The following ZNF331 variants were observed in gnomAD, a reference collection of about 807,000 sequenced individuals.
The protein encoded by ZNF331 is C2H2-like zinc finger protein rearranged in thyroid adenomas.
In ZNF331, 2 loss-of-function variants were observed where a neutral mutation model predicts 7.0. The observed-to-expected ratio is 0.29, with a 90% CI of 0.12 to 0.90. ZNF331 has a LOEUF of 0.90. ZNF331 is among the 40% of genes least tolerant of loss of function. The probability of loss-of-function intolerance (pLI) is 0.58; values close to 1 mark genes in which losing one functional copy is unlikely to be tolerated. For missense variants in ZNF331, 432 were observed against 587.7 expected (o/e 0.74, Z 2.74); for synonymous variants, 196 against 205.4 (o/e 0.95, Z 0.39).
chr19:53,516,670 T>C (rs1462039314), upstream of ZNF331, among the ~76,000 whole-genome samples: 1 of 152,098 alleles, frequency 6.6e-6, no homozygotes, highest in Non-Finnish European at 1.5e-5. Flanking sequence ...AAGTTACATC[T>C]GTAGTCCAGA....
chr19:53,523,783 A>G (rs548287160), intron 2 of ZNF331, among the ~76,000 whole-genome samples: 1 of 149,338 alleles, frequency 6.7e-6, no homozygotes, highest in South Asian at 2.1e-4. Flanking sequence ...TTTTTTTTAT[A>G]CTTTAAGTTC....
upstream of ZNF331, among the ~76,000 whole-genome samples, chr19:53,520,699 C>T (rs2087035605): frequency 6.6e-6 from 1 of 152,232 alleles, no homozygotes; most frequent in Admixed American, 6.5e-5. Flanking sequence ...TGGGGCATGG[C>T]TCCATTAGGG....
At chr19:53,554,988 G>T (rs2089286438) in intron 2 of ZNF331, 1 of 154,672 alleles carries the variant, frequency 6.5e-6, no homozygotes, top group Admixed American at 6.5e-5. Flanking sequence ...CGGCAGCGTG[G>T]CCGTGCTGGG....
At chr19:53,504,454 C>T in the ZNF331 span, among the ~76,000 whole-genome samples, 7 of 150,588 alleles carry the variant, frequency 4.6e-5, no homozygotes, top group Non-Finnish European at 1.0e-4. Context: ...CTCCTGATCC[C>T]CCCTCCACCC....
chr19:53,567,654 C>T (rs2147618058), intron 3 of ZNF331, among the ~76,000 whole-genome samples: 1 of 151,698 alleles, frequency 6.6e-6, no homozygotes, highest in Non-Finnish European at 1.5e-5. Context: ...CAAGACCAGC[C>T]TGGGAAATAT....
At chr19:53,557,319 C>T (rs1284674683) in intron 3 of ZNF331, among the ~76,000 whole-genome samples, 1 of 152,146 alleles carries the variant, frequency 6.6e-6, no homozygotes, top group Non-Finnish European at 1.5e-5. Flanking sequence ...GGTGCCAGTG[C>T]AAGCAGCTTC....
chr19:53,558,352 G>A lies in ZNF331; in HGVS notation c.-74+2444G>A, dbSNP rs2089565960. 6.6e-6 allele frequency among the ~76,000 whole-genome samples: 1 copy of A among 152,038 alleles called. No individual in the cohort carries two copies. The highest frequency in any genetic ancestry group is 2.4e-5 in the African/African-American group (1 of 41,368). On this transcript the variant is annotated intron_variant, in intron 3 of 5. Coordinates refer to ENST00000449416, the MANE Select transcript of ZNF331 (RefSeq NM_001079906.2). This position sits in a 1 kb window ranked among gnomAD's most constrained non-coding sequence, Gnocchi z 4.5. ...GGAGCTTCTGTTCCCGTGGAATTGG[G>A]GTGCGCCACCTTTTCAGAGTTCTTT...
chr19:53,507,606 G>A, the ZNF331 span, among the ~76,000 whole-genome samples: 3 of 152,148 alleles, frequency 2.0e-5, no homozygotes, highest in Non-Finnish European at 4.4e-5. Context: ...TCACTGATGG[G>A]TCAGGGAAGT....
intron 2 of ZNF331, among the ~76,000 whole-genome samples, chr19:53,541,599 C>T (rs62143907): frequency 0.1 from 15,301 of 152,098 alleles, 808 homozygotes; most frequent in Middle Eastern, 0.13. Flanking sequence ...GCCACTGTAC[C>T]CTGCTCCTAT....
chr19:53,531,549 C>G (rs147000935), intron 2 of ZNF331, among the ~76,000 whole-genome samples: 103 of 152,308 alleles, frequency 6.8e-4, no homozygotes, highest in African/African-American at 2.4e-3. Context: ...CAAACACCAC[C>G]TATCTTTAGT....
At position 53,539,145 on chromosome 19, in the gene ZNF331, C is replaced by T. The variant is rs1006161945; in HGVS notation, c.-204-71C>T. The stretch of plus-strand genomic sequence containing the variant: ...CAGGAATCTCCCAGAAACTCCATCT[C>T]GGGGCCTCGTATTTCTCATTGGTTT... On this transcript the variant is annotated intron_variant, in intron 1 of 5. Coordinates refer to ENST00000449416, the MANE Select transcript of ZNF331 (RefSeq NM_001079906.2). The surrounding 1 kb of genome is among the most constrained non-coding windows in gnomAD (Gnocchi z 6.1). The T allele has an allele frequency of 6.6e-6, 1 of 152,140 alleles. No homozygotes were observed. Among genetic ancestry groups the T allele is most frequent in the East Asian group, 1.9e-4 (1 of 5,166 alleles). The allele number at this position is 152,140 out of a possible 1,614,324, so 9.4% of individuals were successfully genotyped here. A position where few individuals can be genotyped will look rare whatever the true frequency, so the allele number is the denominator to read the frequency against.
In ZNF331 at chr19:53,577,304, T is replaced by G; in HGVS notation, c.744T>G (p.Cys248Trp). Residue 248 changes from cysteine to tryptophan, a missense_variant, in exon 6 of 6, where the codon TGT (cysteine) becomes TGG (tryptophan). This residue lies in a region of ZNF331 where 312 missense variants were observed against 448.6 expected (regional missense o/e 0.70). Transcript: ENST00000449416. ...TGEKDYECKD[C>W]GKTFSRVYKL... ...AGAAAGACTACGAATGCAAAGACTG[T>G]GGGAAGACCTTTAGCCGTGTGTATA... The G allele has an allele frequency of 6.2e-7, 1 of 1,613,922 alleles. No individual in the cohort carries two copies. The highest frequency in any genetic ancestry group is 8.5e-7 in the Non-Finnish European group (1 of 1,179,990).
Position 53,576,974 on chromosome 19 carries a change from G to C in ZNF331, c.414G>C (p.Lys138Asn). Residue 138 changes from lysine (K) to asparagine (N), a missense_variant, in exon 6 of 6, where the codon AAG becomes AAC. By Grantham distance (94) the Lys-to-Asn change is moderately conservative (BLOSUM62 0). This residue lies in a region of ZNF331 where 312 missense variants were observed against 448.6 expected (regional missense o/e 0.70). Coordinates refer to ENST00000449416, the MANE Select transcript of ZNF331 (RefSeq NM_001079906.2). ...CCTTTGAATGTAAGGACTGTGGGAA[G>C]GCCTTTAGTCGTGGCTATCAACTTA... ...ENSFECKDCG[K>N]AFSRGYQLSQ... is the part of the protein sequence containing the mutation. 6.2e-7 allele frequency: 1 copy of C among 1,614,190 alleles called. No homozygotes were observed. Among genetic ancestry groups the C allele is most frequent in the Non-Finnish European group, 8.5e-7 (1 of 1,180,038 alleles).
chr19:53,569,173 C>A (rs2090319395), intron 3 of ZNF331, 131 bp from the exon 4 acceptor site: 4 of 565,856 alleles, frequency 7.1e-6, no homozygotes, highest in Non-Finnish European at 1.3e-5. Context: ...TGATACTCTT[C>A]ACCTTTCCCA....
chr19:53,535,245 C>T (rs2708777), upstream of ZNF331, among the ~76,000 whole-genome samples: 37,655 of 135,376 alleles, frequency 0.28, 5,291 homozygotes, highest in African/African-American at 0.4. Context: ...GTGTCTGCCA[C>T]ACATTCAGCT....
chr19:53,541,169 G>T (rs539772292), intron 2 of ZNF331, among the ~76,000 whole-genome samples: 2 of 148,772 alleles, frequency 1.3e-5, no homozygotes, highest in African/African-American at 5.0e-5. Flanking sequence ...GTGCAATGGC[G>T]TGATCTCAGC....
chr19:53,516,356 A>G (rs2086903329), upstream of ZNF331, among the ~76,000 whole-genome samples: 1 of 151,818 alleles, frequency 6.6e-6, no homozygotes, highest in Non-Finnish European at 1.5e-5. Context: ...AGGCTGAGGC[A>G]GGAGAATCAT....
upstream of ZNF331, among the ~76,000 whole-genome samples, chr19:53,520,312 G>T (rs926235379): frequency 6.6e-6 from 1 of 152,166 alleles, no homozygotes; most frequent in African/African-American, 2.4e-5. Context: ...CTCCCAAAGT[G>T]CTGAGATTAC....
chr19:53,579,828 T>C lies in ZNF331; in HGVS notation c.*1876T>C. ...ATAGGGAAAAGACAAGAAACAGGAC[T>C]GGAAGAAGATGTTTGCTCTAAGGTA... is the stretch of plus-strand genomic sequence containing the variant. On this transcript the variant is annotated 3_prime_UTR_variant, in exon 6 of 6. Transcript: ENST00000449416. 1 of 199,570 alleles carries C rather than the reference T, an allele frequency of 5.0e-6. No homozygotes were observed. Among genetic ancestry groups the C allele is most frequent in the East Asian group, 7.8e-5 (1 of 12,788 alleles). 12.4% of individuals were successfully genotyped at this position (199,570 alleles called of 1,614,324 possible).
Sources: allele counts gnomAD v4.1 joint callset (sites outside exome capture counted in the v4.1 genomes callset), GRCh38; gene constraint gnomAD v4.1.1; regional missense constraint gnomAD v4.1.1; non-coding constraint Gnocchi (gnomAD v3.1); transcripts MANE v1.5; gene names NCBI Gene and HGNC (gene_info 2026-07-23, HGNC 2026-07-21).